The following PODN variants were observed in gnomAD, a reference collection of about 807,000 sequenced individuals.
PODN encodes podocan.
Under a neutral mutation model 52.7 loss-of-function variants are expected in PODN, and 40 were observed. The observed-to-expected ratio is 0.76, with a 90% CI of 0.59 to 0.99. PODN has a LOEUF of 0.99. Ranked by LOEUF, PODN falls within the 50% of genes least tolerant of loss-of-function variation. PODN has a pLI of 0.00. For missense variants in PODN, 720 were observed against 815.1 expected, an observed-to-expected ratio of 0.88 and a Z score of 1.42; for synonymous variants, 396 against 377.9, an observed-to-expected ratio of 1.05 and a Z score of -0.56.
intron 1 of PODN, chr1:53,063,562 A>G (rs1216233071): frequency 3.0e-6 from 3 of 985,346 alleles, no homozygotes; most frequent in African/African-American, 1.7e-5. Context: ...ATTCCGAGGT[A>G]GGTCACTCAG....
In PODN at chr1:53,078,701, C is replaced by A; in HGVS notation, c.1191C>A (p.Arg397=). ...ACAACCAGATCACAGGCATTGGCCGCGAAGACTTTGCCACCACCTACTTCC... is the reference window on the plus strand; with the variant it reads ...ACAACCAGATCACAGGCATTGGCCGAGAAGACTTTGCCACCACCTACTTCC... The part of the protein sequence containing the change: ...ILHNQITGIG[R]EDFATTYFLE... The change falls in exon 8 of 11, where the codon CGC becomes CGA. Residue 397 remains arginine (R), a synonymous_variant. Transcript: ENST00000312553. 6.2e-6 allele frequency: 10 copies of A among 1,613,408 alleles called. No individual in the cohort carries two copies. The highest frequency in any genetic ancestry group is 7.6e-6 in the Non-Finnish European group (9 of 1,179,984).
chr1:53,080,587 G>A, intron 8 of PODN, 141 bp from the exon 9 acceptor site: 2 of 839,632 alleles, frequency 2.4e-6, no homozygotes, highest in Non-Finnish European at 3.7e-6. Context: ...TCTGGGAAGT[G>A]GGGATAATTA....
intron 8 of PODN, among the ~76,000 whole-genome samples, chr1:53,079,478 G>A (rs1572276285): frequency 6.6e-6 from 1 of 152,170 alleles, no homozygotes. Context: ...CACAGGAGTA[G>A]GTATGTGGAG....
At chr1:53,083,300 G>A (rs1644320527) in intron 10 of PODN, among the ~76,000 whole-genome samples, 1 of 152,230 alleles carries the variant, frequency 6.6e-6, no homozygotes, top group African/African-American at 2.4e-5. Flanking sequence ...GGAGCCCTGT[G>A]TGAGGGGCTC....
In PODN at chr1:53,064,107, C is replaced by T. The variant is rs1375628182; in HGVS notation, c.-56+1799C>T. ...TTTACTCTTGGCCTTGGCTTTAACA[C>T]ACTAATTTGCAAACTGGGGGAGTCA... is the stretch of plus-strand genomic sequence containing the variant. On this transcript the variant is annotated intron_variant, in intron 1 of 10. Coordinates refer to ENST00000312553, the MANE Select transcript of PODN (RefSeq NM_153703.5). Among the ~76,000 whole-genome samples, 3 of 152,234 alleles carry T rather than the reference C, an allele frequency of 2.0e-5. No individual in the cohort carries two copies. In the East Asian group the frequency reaches 5.8e-4, roughly 29 times the overall value.
intron 3 of PODN, 89 bp downstream of exon 3, chr1:53,071,717 G>C: frequency 7.7e-7 from 1 of 1,296,804 alleles, no homozygotes; most frequent in Non-Finnish European, 1.1e-6. Context: ...GGAGAGCTTG[G>C]CCCTGCGGAT....
intron 10 of PODN, among the ~76,000 whole-genome samples, chr1:53,083,230 G>A (rs966448155): frequency 1.3e-5 from 2 of 152,198 alleles, no homozygotes; most frequent in Non-Finnish European, 2.9e-5. Context: ...TGGGAATGGA[G>A]TGTGAAGTTC....
At chr1:53,075,818 C>G (rs770222457) in intron 4 of PODN, 44 bp from the exon 5 acceptor site, 17 of 1,518,326 alleles carry the variant, frequency 1.1e-5, no homozygotes, top group Non-Finnish European at 1.5e-5. Context: ...CAGCTGGCCT[C>G]TGCTCCTCCA....
intron 5 of PODN, 96 bp from the exon 6 acceptor site, chr1:53,077,094 G>C: frequency 6.9e-7 from 1 of 1,452,776 alleles, no homozygotes; most frequent in Non-Finnish European, 9.4e-7. Flanking sequence ...TGGATGGAAG[G>C]AGAGCAGCCT....
At chr1:53,076,004 G>T in intron 5 of PODN, 33 bp downstream of exon 5, 1 of 1,512,210 alleles carries the variant, frequency 6.6e-7, no homozygotes, top group Non-Finnish European at 9.0e-7. Flanking sequence ...GGCTCGGGCT[G>T]GGGCAAGGGG....
At chr1:53,081,075 C>T (rs1007643589) in intron 9 of PODN, among the ~76,000 whole-genome samples, 199 bp downstream of exon 9, 1 of 152,228 alleles carries the variant, frequency 6.6e-6, no homozygotes, top group Admixed American at 6.5e-5. Context: ...CGTTAGAAGC[C>T]AGTGCGCATG....
rs142823519 is a variant in PODN at position 53,074,649 on chromosome 1, C to T, written c.450C>T (p.Tyr150=). ...KAFEHLTNLN[Y]LYLANNKLTL... ...TTGAGCATCTGACCAACCTCAATTA[C>T]CTGTACTTGGCCAATAACAAGGTGA... Residue 150 remains tyrosine, a synonymous_variant, in exon 4 of 11, where the codon TAC becomes TAT. Coordinates refer to ENST00000312553, the MANE Select transcript of PODN (RefSeq NM_153703.5). 1.1e-5 allele frequency: 18 copies of T among 1,613,910 alleles called. No homozygotes were observed. The African/African-American group carries it at 2.4e-4, about 22-fold the overall frequency.
intron 4 of PODN, 79 bp from the exon 5 acceptor site, chr1:53,075,783 G>T (rs562360764): frequency 8.0e-7 from 1 of 1,249,500 alleles, no homozygotes; most frequent in African/African-American, 1.5e-5. Flanking sequence ...AAGGGGCCCC[G>T]GTGGGCAGCA....
In PODN at chr1:53,070,027, G is replaced by C. The variant is rs58592078; in HGVS notation, c.172G>C (p.Glu58Gln). ...EEPVLVLSPEEPGPGPAAVSC... is the reference protein window; with the variant it reads ...EEPVLVLSPEQPGPGPAAVSC... ...GCCGGTGCTGGTACTGAGCCCTGAG[G>C]AGCCCGGGCCTGGCCCAGCCGCGGT... Residue 58 changes from glutamate to glutamine, a missense_variant, in exon 2 of 11, where the codon GAG becomes CAG. Coordinates refer to ENST00000312553, the MANE Select transcript of PODN (RefSeq NM_153703.5). The C allele has an allele frequency of 9.3e-5, 150 of 1,612,918 alleles. No individual in the cohort carries two copies. In the African/African-American group the frequency reaches 1.9e-3, roughly 20 times the overall value.
chr1:53,076,345 G>A (rs143421943), intron 5 of PODN, among the ~76,000 whole-genome samples: 9 of 152,268 alleles, frequency 5.9e-5, no homozygotes, highest in African/African-American at 7.2e-5. Flanking sequence ...CCGGGGAGCC[G>A]CCTCCAGGAC....
At chr1:53,076,313 G>T (rs747676177) in intron 5 of PODN, among the ~76,000 whole-genome samples, 6 of 152,230 alleles carry the variant, frequency 3.9e-5, no homozygotes, top group Non-Finnish European at 7.3e-5. Flanking sequence ...GAGCAGTGTG[G>T]TGCAGGCGGG....
At chr1:53,074,954 G>A (rs1397872263) in intron 4 of PODN, among the ~76,000 whole-genome samples, 1 of 152,028 alleles carries the variant, frequency 6.6e-6, no homozygotes, top group Non-Finnish European at 1.5e-5. Context: ...GGGCTTCCTG[G>A]AGGAGATGGT....
At chr1:53,062,389 C>G (rs1427323451) in intron 1 of PODN, 81 bp downstream of exon 1, 20 of 1,058,366 alleles carry the variant, frequency 1.9e-5, no homozygotes, top group Non-Finnish European at 2.3e-5. Flanking sequence ...CCCGCCTCTC[C>G]GGATGGCTCC....
At chr1:53,068,773 C>T (rs1199862652) in intron 1 of PODN, among the ~76,000 whole-genome samples, 2 of 152,114 alleles carry the variant, frequency 1.3e-5, no homozygotes, top group African/African-American at 4.8e-5. Context: ...AAACCAGGAA[C>T]CCACCAAGAG....
Sources: gnomAD v4.1 joint callset for allele counts (sites outside exome capture counted in the v4.1 genomes callset) on GRCh38, gnomAD v4.1.1 for gene constraint, MANE v1.5 for transcripts, NCBI Gene and HGNC (gene_info 2026-07-23, HGNC 2026-07-21) for gene names.